The following CPED1 variants were observed in gnomAD, a reference collection of about 807,000 sequenced individuals.
CPED1 encodes the protein cadherin like and PC-esterase domain containing 1, also known as cadherin-like and PC-esterase domain-containing protein 1.
Under a neutral mutation model 128.2 loss-of-function variants are expected in CPED1, and 114 were observed. That is an observed-to-expected ratio of 0.89 (90% CI 0.76 to 1.04). The LOEUF (loss-of-function observed/expected upper bound fraction) is 1.04. Among genes scored for constraint, CPED1 ranks in the 50% least tolerant of loss-of-function variants. The probability of loss-of-function intolerance (pLI) is 0.00; values close to 1 mark genes in which losing one functional copy is unlikely to be tolerated. For synonymous variants in CPED1, 462 were observed against 426.7 expected (o/e 1.08, Z -1.02); for missense variants, 1,211 against 1,207.1 (o/e 1.00, Z -0.05).
intron 16 of CPED1, among the ~76,000 whole-genome samples, chr7:121,212,534 G>C (rs896923825): frequency 3.3e-5 from 5 of 151,924 alleles, no homozygotes; most frequent in African/African-American, 1.2e-4. Context: ...ATGTTCTTTT[G>C]TGCCAACACT....
At chr7:121,130,099 C>T in intron 11 of CPED1, 26 bp from the exon 12 acceptor site, 1 of 1,575,198 alleles carries the variant, frequency 6.3e-7, no homozygotes, top group Non-Finnish European at 8.7e-7. Context: ...TTTTCCATAA[C>T]TTATACTGAT....
At chr7:121,226,165 G>C (rs186463329) in intron 16 of CPED1, among the ~76,000 whole-genome samples, 261 of 152,174 alleles carry the variant, frequency 1.7e-3, no homozygotes, top group African/African-American at 6.0e-3. Flanking sequence ...TGGGGTTTCG[G>C]TGTGGATGTC....
chr7:121,260,245 T>TTTTTTTTC (rs1791984813), intron 18 of CPED1, among the ~76,000 whole-genome samples: 1 of 143,434 alleles, frequency 7.0e-6, no homozygotes, highest in Non-Finnish European at 1.6e-5. Flanking sequence ...TTTTTTTTTT[T>TTTTTTTTC]TTTGCCAAAT....
At chr7:121,046,424 A>AAC (rs1418789657) in intron 3 of CPED1, among the ~76,000 whole-genome samples, 2 of 152,146 alleles carry the variant, frequency 1.3e-5, no homozygotes, top group Non-Finnish European at 2.9e-5. Context: ...ATCTATGAAA[A>AAC]ACAGTGGGAA....
At chr7:121,190,939 C>T (rs371524696) in intron 16 of CPED1, among the ~76,000 whole-genome samples, 5 of 152,172 alleles carry the variant, frequency 3.3e-5, no homozygotes, top group Admixed American at 2.0e-4. Context: ...AAAAGTCGCA[C>T]GCATACAAAT....
intron 18 of CPED1, among the ~76,000 whole-genome samples, 163 bp from the exon 19 acceptor site, chr7:121,266,064 G>A (rs1294952292): frequency 6.6e-6 from 1 of 151,984 alleles, no homozygotes; most frequent in African/African-American, 2.4e-5. Flanking sequence ...AAAAGGAACA[G>A]GTTTGGGAGA....
At chr7:121,163,538 C>G (rs1321099278) in intron 16 of CPED1, among the ~76,000 whole-genome samples, 1 of 152,198 alleles carries the variant, frequency 6.6e-6, no homozygotes, top group Non-Finnish European at 1.5e-5. Context: ...AACATCAAGG[C>G]CATGAACAAT....
At chr7:121,231,701 G>A (rs1345137371) in intron 16 of CPED1, among the ~76,000 whole-genome samples, 2 of 151,876 alleles carry the variant, frequency 1.3e-5, no homozygotes, top group South Asian at 2.1e-4. Flanking sequence ...GGATTGTTGA[G>A]GTATAGAAAT....
intron 4 of CPED1, among the ~76,000 whole-genome samples, chr7:121,063,372 G>A (rs1047565138): frequency 0.032 from 516 of 16,176 alleles, 4 homozygotes; most frequent in Non-Finnish European, 0.049. Context: ...TTTTGCAAAT[G>A]AAGAAACTGA....
intron 3 of CPED1, among the ~76,000 whole-genome samples, chr7:121,040,044 T>C (rs1793009754): frequency 6.6e-6 from 1 of 152,056 alleles, no homozygotes. Context: ...ATCCCTAGTA[T>C]GGGTTTAGGC....
intron 18 of CPED1, among the ~76,000 whole-genome samples, chr7:121,265,974 T>A (rs1792113656): frequency 6.6e-6 from 1 of 151,966 alleles, no homozygotes; most frequent in African/African-American, 2.4e-5. Flanking sequence ...ATAGAAAAAT[T>A]GAAGATAACC....
intron 16 of CPED1, among the ~76,000 whole-genome samples, chr7:121,218,982 C>G (rs1328094949): frequency 6.6e-6 from 1 of 151,998 alleles, no homozygotes; most frequent in Non-Finnish European, 1.5e-5. Context: ...ATAAGTTTTT[C>G]TTGTTGCTAT....
chr7:121,137,196 G>A (rs1377254091), intron 14 of CPED1, among the ~76,000 whole-genome samples: 1 of 151,754 alleles, frequency 6.6e-6, no homozygotes, highest in East Asian at 1.9e-4. Flanking sequence ...ATTATAGATA[G>A]GATTTCACTT....
chr7:121,068,711 G>T (rs1040600195), intron 5 of CPED1, among the ~76,000 whole-genome samples: 6 of 150,246 alleles, frequency 4.0e-5, no homozygotes, highest in African/African-American at 1.5e-4. Context: ...TGGGCAGTAT[G>T]GCCATTTTCA....
At chr7:121,095,980 A>G in intron 5 of CPED1, among the ~76,000 whole-genome samples, 1 of 152,170 alleles carries the variant, frequency 6.6e-6, no homozygotes, top group Non-Finnish European at 1.5e-5. Context: ...TCCTAGTAAT[A>G]GACTCTGAAA....
chr7:121,088,763 CAAAAAAAAAAAAAAAAAA>C (rs71170226), intron 5 of CPED1, among the ~76,000 whole-genome samples: 1 of 53,794 alleles, frequency 1.9e-5, no homozygotes, highest in Non-Finnish European at 3.4e-5. Context: ...CAAAAATTGG[CAAAAAAAAAAAAAAAAAA>C]AAAAAAAAAA....
intron 16 of CPED1, among the ~76,000 whole-genome samples, chr7:121,149,815 A>G (rs1224601286): frequency 3.3e-5 from 5 of 152,164 alleles, no homozygotes; most frequent in Admixed American, 1.3e-4. Flanking sequence ...TGACATTTGA[A>G]ACTTTGAAAC....
At chr7:121,120,027 G>A (rs1310271473) in intron 7 of CPED1, among the ~76,000 whole-genome samples, 1 of 152,124 alleles carries the variant, frequency 6.6e-6, no homozygotes, top group Non-Finnish European at 1.5e-5. Context: ...TTTGTTGTAG[G>A]CATATACTAC....
At chr7:121,059,139 A>G (rs981814649) in intron 4 of CPED1, among the ~76,000 whole-genome samples, 5 of 152,196 alleles carry the variant, frequency 3.3e-5, no homozygotes, top group African/African-American at 1.2e-4. Flanking sequence ...GCAAGTAGAC[A>G]GGTGCTAGTG....
Sources: gnomAD v4.1 joint callset for allele counts (sites outside exome capture counted in the v4.1 genomes callset) on GRCh38, gnomAD v4.1.1 for gene constraint, MANE v1.5 for transcripts, NCBI Gene and HGNC (gene_info 2026-07-23, HGNC 2026-07-21) for gene names.